DAB1: variants seen among roughly 807,000 people sequenced by gnomAD.
DAB1 encodes the protein disabled homolog 1.
Under a neutral mutation model 64.6 loss-of-function variants are expected in DAB1, and 15 were observed. The observed-to-expected ratio is 0.23, with a 90% CI of 0.16 to 0.36. The LOEUF (loss-of-function observed/expected upper bound fraction) is 0.36, where lower values mean the gene tolerates loss of function less well. Ranked by LOEUF, DAB1 falls within the 10% of genes least tolerant of loss-of-function variation. DAB1 has a pLI of 1.00. For missense variants in DAB1, 596 were observed against 706.7 expected (o/e 0.84, Z 1.78); for synonymous variants, 235 against 251.9 (o/e 0.93, Z 0.64).
chr1:58,476,407 T>C lies in DAB1; in HGVS notation n.257+29653A>G, dbSNP rs549055985. Among the ~76,000 whole-genome samples, 13 of 152,278 alleles carry C rather than the reference T, an allele frequency of 8.5e-5. No individual in the cohort carries two copies. In the East Asian group the frequency reaches 2.3e-3, roughly 27 times the overall value. ...CTAGTGTGGTGAGAACACCTGGGCA[T>C]GAGTCTAGACACACCAACCCTTCAA... On this transcript the variant is annotated intron_variant and non_coding_transcript_variant, in intron 3 of 20. Coordinates refer to the DAB1 transcript ENST00000485760.
Position 57,474,596 on chromosome 1 carries a change from A to T in DAB1, n.625+174996T>A, listed in dbSNP as rs186696019. 1.9e-4 allele frequency among the ~76,000 whole-genome samples: 29 copies of T among 152,334 alleles called. 1 individual carries two copies. Among genetic ancestry groups the T allele is most frequent in the African/African-American group, 7.0e-4 (29 of 41,580 alleles). On this transcript the variant is annotated intron_variant and non_coding_transcript_variant, in intron 7 of 20. Transcript: ENST00000485760. ...TGGTTCAGCTTTATGACTCTGCAGT[A>T]AAATATTTAGCCAAAAAGAAATATC...
At chr1:57,352,180 G>A (rs1055747319) in intron 1 of DAB1, among the ~76,000 whole-genome samples, 1 of 152,110 alleles carries the variant, frequency 6.6e-6, no homozygotes, top group Non-Finnish European at 1.5e-5. Context: ...TATTATGAAT[G>A]AGACTCCATT....
intron 5 of DAB1, among the ~76,000 whole-genome samples, chr1:58,026,888 G>C (rs1011172824): frequency 6.6e-6 from 1 of 152,170 alleles, no homozygotes; most frequent in Non-Finnish European, 1.5e-5. Context: ...ACCTGTCCAG[G>C]GAAAGCCTGA....
chr1:57,043,340 GC>G (rs1648039053), intron 9 of DAB1, among the ~76,000 whole-genome samples: 1 of 152,150 alleles, frequency 6.6e-6, no homozygotes, highest in South Asian at 2.1e-4. Flanking sequence ...ACACCTAGAT[GC>G]TCAAGTCACA....
chr1:57,383,382 G>A (rs1570416393), intron 1 of DAB1, among the ~76,000 whole-genome samples: 1 of 152,120 alleles, frequency 6.6e-6, no homozygotes, highest in East Asian at 1.9e-4. Context: ...GTAGCATAAT[G>A]AAGAGCACAG....
At chr1:58,098,780 T>C (rs1341602502) in intron 5 of DAB1, among the ~76,000 whole-genome samples, 1 of 152,148 alleles carries the variant, frequency 6.6e-6, no homozygotes, top group African/African-American at 2.4e-5. Context: ...TGGCAATCTA[T>C]AAGTCAAGGA....
chr1:58,350,943 CT>C (rs1157667505), intron 3 of DAB1, among the ~76,000 whole-genome samples: 1 of 152,148 alleles, frequency 6.6e-6, no homozygotes, highest in East Asian at 1.9e-4. Flanking sequence ...TATGCAGGCT[CT>C]TTTTTGGTTC....
chr1:57,618,706 G>A (rs1447138198), intron 7 of DAB1, among the ~76,000 whole-genome samples: 1 of 151,542 alleles, frequency 6.6e-6, no homozygotes, highest in Non-Finnish European at 1.5e-5. Flanking sequence ...TGTTTTTTAA[G>A]AATATTAACA....
intron 1 of DAB1, among the ~76,000 whole-genome samples, chr1:57,864,094 G>A (rs1654187927): frequency 6.6e-6 from 1 of 152,194 alleles, no homozygotes; most frequent in African/African-American, 2.4e-5. Flanking sequence ...GCAGAGTAAG[G>A]AGTGGGTGGC....
intron 7 of DAB1, among the ~76,000 whole-genome samples, chr1:57,493,764 T>TCA (rs397963642): frequency 0.023 from 3,367 of 148,188 alleles, 43 homozygotes; most frequent in African/African-American, 0.027. Context: ...TATTCACAGC[T>TCA]CACACACACA....
intron 5 of DAB1, among the ~76,000 whole-genome samples, chr1:58,054,430 T>G (rs987792524): frequency 1.3e-5 from 2 of 152,214 alleles, no homozygotes; most frequent in Non-Finnish European, 2.9e-5. Flanking sequence ...CCAACAGACA[T>G]GCATGGGGAC....
intron 1 of DAB1, among the ~76,000 whole-genome samples, chr1:57,405,905 C>T (rs1683598739): frequency 6.6e-6 from 1 of 152,198 alleles, no homozygotes; most frequent in South Asian, 2.1e-4. Context: ...GAAGGCTACA[C>T]AAAGTAAAGG....
chr1:57,861,497 C>T (rs1654032062), intron 1 of DAB1, among the ~76,000 whole-genome samples: 1 of 152,118 alleles, frequency 6.6e-6, no homozygotes, highest in South Asian at 2.1e-4. Context: ...TACCATCACA[C>T]TGGGAATAAG....
intron 7 of DAB1, among the ~76,000 whole-genome samples, chr1:57,508,775 A>G (rs1402508338): frequency 6.6e-6 from 1 of 152,212 alleles, no homozygotes; most frequent in Non-Finnish European, 1.5e-5. Flanking sequence ...AGACTGCCAG[A>G]TTCTAAATTC....
At chr1:58,473,886 A>C (rs1317933312) in intron 3 of DAB1, 2 of 831,804 alleles carry the variant, frequency 2.4e-6, no homozygotes, top group Admixed American at 2.3e-5. Flanking sequence ...ACTCCGACAG[A>C]TTTCTGTGTT....
At chr1:57,747,130 T>C (rs894797914) in intron 6 of DAB1, among the ~76,000 whole-genome samples, 5 of 152,208 alleles carry the variant, frequency 3.3e-5, no homozygotes, top group Non-Finnish European at 7.3e-5. Context: ...TTGAAGACCA[T>C]TTAGATAGTC....
At chr1:58,113,200 T>C (rs1652085429) in intron 5 of DAB1, among the ~76,000 whole-genome samples, 1 of 152,026 alleles carries the variant, frequency 6.6e-6, no homozygotes, top group Non-Finnish European at 1.5e-5. Context: ...ATGCCCAGAC[T>C]GAGTGGAGAA....
chr1:57,984,527 T>C (rs971007933), intron 5 of DAB1, among the ~76,000 whole-genome samples: 4 of 152,216 alleles, frequency 2.6e-5, no homozygotes, highest in South Asian at 2.1e-4. Flanking sequence ...TAATTACTCA[T>C]AGGGCTTCCA....
At chr1:57,752,216 C>T (rs1570795693) in intron 6 of DAB1, among the ~76,000 whole-genome samples, 1 of 152,326 alleles carries the variant, frequency 6.6e-6, no homozygotes, top group Non-Finnish European at 1.5e-5. Flanking sequence ...TATTTTTATT[C>T]ATTTTAAGTT....
Sources: allele counts gnomAD v4.1 joint callset (sites outside exome capture counted in the v4.1 genomes callset), GRCh38; gene constraint gnomAD v4.1.1; transcripts MANE v1.5; gene names NCBI Gene and HGNC (gene_info 2026-07-23, HGNC 2026-07-21).